Variants in XPO5 observed in about 807,000 individuals in gnomAD.
XPO5 encodes the protein exportin 5.
XPO5 carries 46 observed loss-of-function variants against 160.6 expected under a neutral mutation model. The observed-to-expected ratio is 0.29, with a 90% CI of 0.23 to 0.37. The LOEUF (loss-of-function observed/expected upper bound fraction) is 0.37. Among genes scored for constraint, XPO5 ranks in the 10% least tolerant of loss-of-function variants. The pLI is 1.00. For synonymous variants in XPO5, 537 were observed against 519.3 expected, an observed-to-expected ratio of 1.03 and a Z score of -0.46; for missense variants, 1,090 against 1,463.9, an observed-to-expected ratio of 0.74 and a Z score of 4.17.
At chr6:43,526,561 A>G in intron 27 of XPO5, 124 bp downstream of exon 27, 2 of 1,087,530 alleles carry the variant, frequency 1.8e-6, no homozygotes, top group South Asian at 2.8e-5. Flanking sequence ...GGGCTGGTCC[A>G]GAGATGATAA....
chr6:43,553,241 A>G, intron 14 of XPO5, 132 bp downstream of exon 14: 1 of 1,176,486 alleles, frequency 8.5e-7, no homozygotes. Context: ...GTTGGAGGTT[A>G]CAGAGAGCTA....
In XPO5 at chr6:43,553,263, CT is replaced by C. The variant is rs531267095; in HGVS notation, c.1572+109del. On this transcript the variant is annotated intron_variant, in intron 14 of 31. Transcript: ENST00000265351. ...GTTACAGAGAGCTATGATTGTGCCA[CT>C]GCATTTCAGCCTGAGCAACAGAGAG... 1.1e-4 allele frequency: 150 copies of C among 1,360,652 alleles called. 1 individual carries two copies. The East Asian group carries it at 3.9e-3, about 36-fold the overall frequency. The allele number at this position is 1,360,652 out of a possible 1,614,324, so 84.3% of individuals were successfully genotyped here.
chr6:43,542,417 A>G (rs917207800), intron 20 of XPO5, among the ~76,000 whole-genome samples: 1 of 149,566 alleles, frequency 6.7e-6, no homozygotes, highest in East Asian at 2.0e-4. Context: ...TTATTTTTCA[A>G]TTTTTTTTTT....
intron 20 of XPO5, among the ~76,000 whole-genome samples, chr6:43,535,813 CAA>C (rs60341205): frequency 3.3e-4 from 24 of 71,796 alleles, no homozygotes; most frequent in Admixed American, 4.8e-4. Context: ...GACTCCATCT[CAA>C]AAAAAAAAAA....
At chr6:43,533,561 A>G in intron 21 of XPO5, 1 of 180,662 alleles carries the variant, frequency 5.5e-6, no homozygotes, top group South Asian at 1.2e-4. Flanking sequence ...AGGAACCCAT[A>G]AGAACGCCTG....
intron 15 of XPO5, 62 bp from the exon 16 acceptor site, chr6:43,549,996 A>C: frequency 6.4e-7 from 1 of 1,556,530 alleles, no homozygotes; most frequent in South Asian, 1.2e-5. Flanking sequence ...AGATCTTGCT[A>C]TGTTGCCCAG....
rs767935058 is a variant in XPO5, at chr6:43,533,988, C to T, written c.2362G>A (p.Ala788Thr). The T allele has an allele frequency of 2.5e-6, 4 of 1,603,354 alleles. No homozygotes were observed. Among genetic ancestry groups the T allele is most frequent in the Non-Finnish European group, 3.4e-6 (4 of 1,173,256 alleles). The change falls in exon 21 of 32, where the codon GCA becomes ACA. Residue 788 changes from alanine (A) to threonine (T), a missense_variant. Coordinates refer to ENST00000265351, the MANE Select transcript of XPO5 (RefSeq NM_020750.3). ...ALIRTHNTLY[A>T]PEMLAKMAEP... ...GCCATTTTGGCTAGCATTTCTGGTGCATATAATGTATTGTGGGTTCTGAAA... is the reference window on the plus strand; with the variant it reads ...GCCATTTTGGCTAGCATTTCTGGTGTATATAATGTATTGTGGGTTCTGAAA...
At chr6:43,539,826 G>GT in intron 20 of XPO5, 1 of 526,532 alleles carries the variant, frequency 1.9e-6, no homozygotes, top group Non-Finnish European at 3.3e-6. Context: ...TAGGCCTGGA[G>GT]TTTTTTGGTC....
At chr6:43,549,447 G>A (rs754240964) in intron 17 of XPO5, 42 bp downstream of exon 17, 2 of 1,553,896 alleles carry the variant, frequency 1.3e-6, no homozygotes, top group Admixed American at 2.0e-5. Flanking sequence ...ACACACAAAT[G>A]TAACCAAACT....
At chr6:43,529,426 C>T (rs1024983772) in intron 23 of XPO5, 8 of 336,558 alleles carry the variant, frequency 2.4e-5, no homozygotes, top group African/African-American at 1.4e-4. Flanking sequence ...TGGGGGCGAG[C>T]GCCTGTAGTC....
chr6:43,544,714 A>T (rs1002770149), intron 20 of XPO5, among the ~76,000 whole-genome samples: 1 of 152,126 alleles, frequency 6.6e-6, no homozygotes, highest in Non-Finnish European at 1.5e-5. Flanking sequence ...GCTGTCCGAG[A>T]CCAGCCTGGG....
intron 21 of XPO5, among the ~76,000 whole-genome samples, chr6:43,532,360 T>C (rs1794038543): frequency 6.6e-6 from 1 of 152,300 alleles, no homozygotes; most frequent in South Asian, 2.1e-4. Context: ...TGCCATTGGA[T>C]TGCTTGACCA....
In XPO5 at chr6:43,565,653, T is replaced by C. The variant is rs199514771; in HGVS notation, c.911+7A>G. On this transcript the variant is annotated splice_region_variant and intron_variant, in intron 8 of 31. Transcript: ENST00000265351. ...TAGAAAACACACTGAAAAGTAAAGATACTCACTGTGCGGCGGAGAGTATAT... is the reference window on the plus strand; with the variant it reads ...TAGAAAACACACTGAAAAGTAAAGACACTCACTGTGCGGCGGAGAGTATAT... 8.2e-6 allele frequency: 13 copies of C among 1,590,098 alleles called. No homozygotes were observed. The highest frequency in any genetic ancestry group is 1.8e-5 in the Admixed American group (1 of 55,258).
chr6:43,574,487 A>G (rs1440011647), intron 1 of XPO5, among the ~76,000 whole-genome samples: 1 of 151,072 alleles, frequency 6.6e-6, no homozygotes, highest in South Asian at 2.1e-4. Flanking sequence ...TTATGTGTAT[A>G]TATTATATAT....
intron 21 of XPO5, among the ~76,000 whole-genome samples, chr6:43,532,537 CAT>C (rs1794049449): frequency 6.6e-6 from 1 of 152,238 alleles, no homozygotes; most frequent in South Asian, 2.1e-4. Flanking sequence ...GCTCCAGCCA[CAT>C]GATTCAACCA....
intron 24 of XPO5, 145 bp from the exon 25 acceptor site, chr6:43,528,350 AGGTT>A: frequency 2.7e-6 from 2 of 754,070 alleles, no homozygotes; most frequent in Admixed American, 5.4e-5. Context: ...CCACACCACA[AGGTT>A]AAAAAAAACA....
rs1359019507 is a variant in XPO5 at position 43,546,660 on chromosome 6, C to T, written c.2253G>A (p.Val751=). ...TTGGATTTCCACTGGATGTATAACC[C>T]ACCACAAATCCCCCAGCTTTGGCCT... is the stretch of plus-strand genomic sequence containing the variant. The part of the protein sequence containing the change: ...LEEAKAGGFV[V]GYTSSGNPIF... Residue 751 remains valine, a synonymous_variant, in exon 20 of 32, where the codon GTG becomes GTA. Coordinates refer to ENST00000265351, the MANE Select transcript of XPO5 (RefSeq NM_020750.3). 1.9e-6 allele frequency: 3 copies of T among 1,613,760 alleles called. No homozygotes were observed. Among genetic ancestry groups the T allele is most frequent in the East Asian group, 2.2e-5 (1 of 44,882 alleles).
Position 43,530,076 on chromosome 6 carries a change from G to A in XPO5, c.2677+612C>T, listed in dbSNP as rs533960711. On this transcript the variant is annotated intron_variant, in intron 23 of 31. Coordinates refer to ENST00000265351, the MANE Select transcript of XPO5 (RefSeq NM_020750.3). The stretch of plus-strand genomic sequence containing the variant: ...TTGAGACCAGCCTGGCCAACATGGC[G>A]AAAACCTGTCTCTACTAAAAATACA... Among the ~76,000 whole-genome samples the A allele has an allele frequency of 4.6e-5, 7 of 152,098 alleles. No individual in the cohort carries two copies. The South Asian group carries it at 6.2e-4, about 14-fold the overall frequency.
intron 1 of XPO5, among the ~76,000 whole-genome samples, chr6:43,573,957 G>A (rs990021621): frequency 1.3e-5 from 2 of 151,360 alleles, no homozygotes; most frequent in Non-Finnish European, 2.9e-5. Context: ...CTGAGCCCAT[G>A]TAGCTGGGAC....
Sources: gnomAD v4.1 joint callset for allele counts (sites outside exome capture counted in the v4.1 genomes callset) on GRCh38, gnomAD v4.1.1 for gene constraint, MANE v1.5 for transcripts, NCBI Gene and HGNC (gene_info 2026-07-23, HGNC 2026-07-21) for gene names.